HRH4: variants seen among roughly 807,000 people sequenced by gnomAD.
The protein encoded by HRH4 is histamine H4 receptor.
In HRH4, 12 loss-of-function variants were observed where a neutral mutation model predicts 10.4. That is an observed-to-expected ratio of 1.15 (90% confidence interval 0.74 to 1.87). HRH4 has a LOEUF of 1.87. HRH4 is among the 40% of genes most tolerant of loss of function. The pLI is 0.00. For synonymous variants in HRH4, 154 were observed against 166.6 expected, an observed-to-expected ratio of 0.92 and a Z score of 0.58; for missense variants, 415 against 453.3, an observed-to-expected ratio of 0.92 and a Z score of 0.77.
rs551746717 is a variant in HRH4, at chr18:24,467,084, C to A, written c.194-1704C>A. 3.9e-5 allele frequency among the ~76,000 whole-genome samples: 6 copies of A among 152,296 alleles called. No individual in the cohort carries two copies. The East Asian group carries it at 1.2e-3, about 29-fold the overall frequency. On this transcript the variant is annotated intron_variant, in intron 1 of 2. Transcript: ENST00000256906. ...CTTCTCCACTTGCTAGTTGAGTGGA[C>A]CTTGGTCTAATTATCTCTTTTCTGA...
intron 2 of HRH4, 39 bp downstream of exon 2, chr18:24,468,990 TG>T: frequency 6.6e-7 from 1 of 1,506,136 alleles, no homozygotes; most frequent in Non-Finnish European, 8.9e-7. Flanking sequence ...TAGAAGATTA[TG>T]TAAATGTATA....
chr18:24,469,828 C>G (rs1456730302), intron 2 of HRH4, among the ~76,000 whole-genome samples: 1 of 151,994 alleles, frequency 6.6e-6, no homozygotes, highest in Non-Finnish European at 1.5e-5. Flanking sequence ...CTGCGTGTCG[C>G]GGGGGTTTTG....
chr18:24,469,648 C>A (rs1214695527), intron 2 of HRH4, among the ~76,000 whole-genome samples: 1 of 152,186 alleles, frequency 6.6e-6, no homozygotes, highest in Non-Finnish European at 1.5e-5. Flanking sequence ...TAGGAAACTT[C>A]CTTCACTCCC....
At chr18:24,468,447 G>C (rs549485317) in intron 1 of HRH4, among the ~76,000 whole-genome samples, 1 of 152,190 alleles carries the variant, frequency 6.6e-6, no homozygotes, top group Non-Finnish European at 1.5e-5. Context: ...ATAATGACCA[G>C]AAGTCATTAC....
rs766929786 is a variant in HRH4, at chr18:24,460,902, C to T, written c.174C>T (p.Ala58=). 2 of 1,568,464 alleles carry T rather than the reference C, an allele frequency of 1.3e-6. No individual in the cohort carries two copies. Among genetic ancestry groups the T allele is most frequent in the East Asian group, 2.3e-5 (1 of 43,928 alleles). The change falls in exon 1 of 3, where the codon GCC becomes GCT. Residue 58 remains alanine (A), a synonymous_variant. Transcript: ENST00000256906. The part of the protein sequence containing the change: ...HRSSYFFLNL[A]ISDFFVGVIS... ...GTAGTTATTTTTTTCTTAACTTGGC[C>T]ATCTCTGACTTCTTTGTGGGTAAGT...
chr18:24,479,587 C>G lies in HRH4; in HGVS notation c.*2025C>G, dbSNP rs1006209829. The stretch of plus-strand genomic sequence containing the variant: ...CGTCAGCCTCCAGAGTAGCTGGGAC[C>G]GCAGGCACTTGCCACCACGCCCCAC... On this transcript the variant is annotated 3_prime_UTR_variant, in exon 3 of 3. Coordinates refer to ENST00000256906, the MANE Select transcript of HRH4 (RefSeq NM_021624.4). The G allele has an allele frequency of 6.6e-5, 10 of 152,286 alleles. No homozygotes were observed. Among genetic ancestry groups the G allele is most frequent in the African/African-American group, 2.2e-4 (9 of 41,560 alleles). 9.4% of individuals were successfully genotyped at this position (152,286 alleles called of 1,614,324 possible).
chr18:24,477,556 T>G lies in HRH4; in HGVS notation c.1167T>G (p.Ser389=), dbSNP rs146425485. 6.4e-7 allele frequency: 1 copy of G among 1,558,140 alleles called. No individual in the cohort carries two copies. The highest frequency in any genetic ancestry group is 1.2e-5 in the South Asian group (1 of 82,850). The change falls in exon 3 of 3, where the codon TCT becomes TCG. Residue 389 remains serine (S), a synonymous_variant. Transcript: ENST00000256906. ...PLPSQHSRSV[S]S ...CATCACAACACAGTCGGTCAGTATCTTCTTAAAGACAATTTTCTCACCTCT... is the reference window on the plus strand; with the variant it reads ...CATCACAACACAGTCGGTCAGTATCGTCTTAAAGACAATTTTCTCACCTCT...
rs529569794 is a variant in HRH4, at chr18:24,479,141, T to C, written c.*1579T>C. On this transcript the variant is annotated 3_prime_UTR_variant, in exon 3 of 3. Coordinates refer to ENST00000256906, the MANE Select transcript of HRH4 (RefSeq NM_021624.4). The stretch of plus-strand genomic sequence containing the variant: ...CCATTTTGGTCAGGCTGGAATTTTT[T>C]TTTTTTTAATTTTGATAAGACAGGG... 1 of 152,010 alleles carries C rather than the reference T, an allele frequency of 6.6e-6. No homozygotes were observed. Among genetic ancestry groups the C allele is most frequent in the African/African-American group, 2.4e-5 (1 of 41,472 alleles). 9.4% of individuals were successfully genotyped at this position (152,010 alleles called of 1,614,324 possible).
chr18:24,467,548 A>G (rs1909809395), intron 1 of HRH4, among the ~76,000 whole-genome samples: 1 of 151,946 alleles, frequency 6.6e-6, no homozygotes, highest in Non-Finnish European at 1.5e-5. Context: ...TTTATTTTTT[A>G]TTTTCATTTT....
intron 1 of HRH4, among the ~76,000 whole-genome samples, chr18:24,467,017 G>T (rs1700695793): frequency 1.3e-5 from 2 of 152,222 alleles, no homozygotes; most frequent in African/African-American, 2.4e-5. Flanking sequence ...TGCAGGTAAA[G>T]TCAGAGGTTC....
chr18:24,466,978 C>T (rs1909794411), intron 1 of HRH4, among the ~76,000 whole-genome samples: 1 of 152,202 alleles, frequency 6.6e-6, no homozygotes, highest in African/African-American at 2.4e-5. Context: ...TGTGGTAGAG[C>T]TTATCTATTT....
rs60730879 is a variant in HRH4, at chr18:24,471,606, C to CAAAAAAAAAAAAAAAAA, written c.357+2666_357+2682dup. Among the ~76,000 whole-genome samples, 35 of 51,396 alleles carry CAAAAAAAAAAAAAAAAA rather than the reference C, an allele frequency of 6.8e-4. 2 individuals carry two copies. The highest frequency in any genetic ancestry group is 2.2e-3 in the African/African-American group (24 of 10,886). 33.7% of individuals were successfully genotyped at this position (51,396 alleles called of 152,430 possible). A position where few individuals can be genotyped will look rare whatever the true frequency, so the allele number is the denominator to read the frequency against. On this transcript the variant is annotated intron_variant, in intron 2 of 2. Transcript: ENST00000256906. ...TGGGTGTCGCAGCAAGACTCCATCT[C>CAAAAAAAAAAAAAAAAA]AAAAAAAAAAAAAAAAAAAAAAAAA... is the stretch of plus-strand genomic sequence containing the variant.
At chr18:24,463,620 T>C (rs1285849773) in intron 1 of HRH4, among the ~76,000 whole-genome samples, 1 of 152,206 alleles carries the variant, frequency 6.6e-6, no homozygotes, top group East Asian at 1.9e-4. Context: ...TCCAGAGCCA[T>C]GTGACCATGG....
rs45572832 is a variant in HRH4 at position 24,478,587 on chromosome 18, C to T, written c.*1025C>T. On this transcript the variant is annotated 3_prime_UTR_variant, in exon 3 of 3. Coordinates refer to ENST00000256906, the MANE Select transcript of HRH4 (RefSeq NM_021624.4). ...CCGCATGCCTGTAGTCCCAGCTACT[C>T]GGGAGGCTGAGGCAGGGGAATTGCT... 0.076 allele frequency: 11,538 copies of T among 152,320 alleles called. 553 individuals carry two copies. The highest frequency in any genetic ancestry group is 0.1 in the Admixed American group (1,561 of 15,282). 9.4% of individuals were successfully genotyped at this position (152,320 alleles called of 1,614,324 possible). A position where few individuals can be genotyped will look rare whatever the true frequency, so the allele number is the denominator to read the frequency against.
intron 2 of HRH4, 33 bp downstream of exon 2, chr18:24,468,984 A>C (rs1568096941): frequency 2.0e-6 from 3 of 1,533,590 alleles, no homozygotes; most frequent in South Asian, 1.3e-5. Context: ...CCCCCTTAGA[A>C]GATTATGTAA....
chr18:24,467,625 C>G (rs1174793290), intron 1 of HRH4, among the ~76,000 whole-genome samples: 1 of 152,126 alleles, frequency 6.6e-6, no homozygotes, highest in Non-Finnish European at 1.5e-5. Context: ...TTCACTGCAA[C>G]CTCCATCTCC....
At chr18:24,464,762 G>A (rs1343884671) in intron 1 of HRH4, among the ~76,000 whole-genome samples, 1 of 152,098 alleles carries the variant, frequency 6.6e-6, no homozygotes, top group Admixed American at 6.6e-5. Context: ...GAGGTGCTGG[G>A]GATAGAGCAG....
At chr18:24,476,667 A>G (rs1599780933) in intron 2 of HRH4, 80 bp from the exon 3 acceptor site, 1 of 1,105,608 alleles carries the variant, frequency 9.0e-7, no homozygotes, top group East Asian at 2.4e-5. Flanking sequence ...CACATCCCTG[A>G]AATTTCTAAG....
intron 1 of HRH4, among the ~76,000 whole-genome samples, chr18:24,465,330 C>T (rs758447829): frequency 6.6e-6 from 1 of 151,808 alleles, no homozygotes; most frequent in Non-Finnish European, 1.5e-5. Flanking sequence ...TTTGAGCAAA[C>T]AGAAGGCGCC....
Sources: allele counts gnomAD v4.1 joint callset (sites outside exome capture counted in the v4.1 genomes callset), GRCh38; gene constraint gnomAD v4.1.1; transcripts MANE v1.5; gene names NCBI Gene and HGNC (gene_info 2026-07-23, HGNC 2026-07-21).